ASB13: variants seen among roughly 807,000 people sequenced by gnomAD.
The protein encoded by ASB13 is ankyrin repeat and SOCS box protein 13.
In ASB13, 33 loss-of-function variants were observed where a neutral mutation model predicts 28.8. That is an observed-to-expected ratio of 1.15 (90% CI 0.87 to 1.53). The LOEUF (loss-of-function observed/expected upper bound fraction) is 1.53, where lower values mean the gene tolerates loss of function less well. Ranked by LOEUF, ASB13 falls within the 40% of genes most tolerant of loss-of-function variation. ASB13 has a pLI of 0.00. For synonymous variants in ASB13, 182 were observed against 172.9 expected (o/e 1.05, Z -0.41); for missense variants, 414 against 390.1 (o/e 1.06, Z -0.52).
Position 5,659,595 on chromosome 10 carries a change from C to T in ASB13, c.44-6545G>A, listed in dbSNP as rs977506693. Among the ~76,000 whole-genome samples the T allele has an allele frequency of 1.2e-3, 177 of 152,268 alleles. 3 individuals are homozygous for T. The highest frequency in any genetic ancestry group is 5.6e-4 in the Non-Finnish European group (38 of 68,010). ...TCAGCCCCATTCCCCACCTTGCTTC[C>T]GGCTGAAATTCCTCGACTGAGGGGA... On this transcript the variant is annotated intron_variant, in intron 1 of 5. Transcript: ENST00000357700. The surrounding 1 kb of genome is among the most constrained non-coding windows in gnomAD (Gnocchi z 5.8).
In ASB13 at chr10:5,653,050, C is replaced by T; in HGVS notation, c.44G>A (p.Gly15Asp). ...AADGCFLGDV[G>D]FWVERTPVHE... is the part of the protein sequence containing the mutation. ...CACAGGGGTCCGCTCCACCCAGAAA[C>T]CTGGAAAGGAAGGGGACCTCAGGCT... Residue 15 changes from glycine (G) to aspartate (D), a missense_variant and splice_region_variant, in exon 2 of 6, where the codon GGT becomes GAT. Gly to Asp is a moderately conservative substitution (Grantham distance 94). Coordinates refer to ENST00000357700, the MANE Select transcript of ASB13 (RefSeq NM_024701.4). 6.5e-7 allele frequency: 1 copy of T among 1,539,578 alleles called. No homozygotes were observed. The highest frequency in any genetic ancestry group is 8.8e-7 in the Non-Finnish European group (1 of 1,139,444).
chr10:5,643,202 G>A (rs2131441647), intron 4 of ASB13, among the ~76,000 whole-genome samples: 1 of 152,342 alleles, frequency 6.6e-6, no homozygotes, highest in East Asian at 1.9e-4. Context: ...ATTATCAAAA[G>A]TGGGATTTTA....
Position 5,644,346 on chromosome 10 carries a change from A to AC in ASB13, c.518-2386dup, listed in dbSNP as rs1401499201. On this transcript the variant is annotated intron_variant, in intron 4 of 5. Coordinates refer to ENST00000357700, the MANE Select transcript of ASB13 (RefSeq NM_024701.4). The surrounding 1 kb of genome is among the most constrained non-coding windows in gnomAD (Gnocchi z 5.1). ...CTAGCTCTACAAAAATTTAAAAATT[A>AC]CCCGGGGGGCGTGATGGCACACATC... Among the ~76,000 whole-genome samples, 1 of 152,094 alleles carries AC rather than the reference A, an allele frequency of 6.6e-6. No homozygotes were observed. Among genetic ancestry groups the AC allele is most frequent in the Non-Finnish European group, 1.5e-5 (1 of 68,022 alleles).
Position 5,639,311 on chromosome 10 carries a change from G to C in ASB13, c.*1392C>G, listed in dbSNP as rs1193561427. On this transcript the variant is annotated 3_prime_UTR_variant, in exon 6 of 6. Coordinates refer to ENST00000357700, the MANE Select transcript of ASB13 (RefSeq NM_024701.4). Reference sequence around the variant, plus strand: ...CGGTGGGAGGCTCGGGCCGGCCTGGGTGCATCCAGTGAGTACCACGTTCCC... The same window carrying C: ...CGGTGGGAGGCTCGGGCCGGCCTGGCTGCATCCAGTGAGTACCACGTTCCC... 6.5e-6 allele frequency: 1 copy of C among 152,914 alleles called. No homozygotes were observed. Among genetic ancestry groups the C allele is most frequent in the African/African-American group, 2.4e-5 (1 of 41,442 alleles). The allele number at this position is 152,914 out of a possible 1,614,324, so 9.5% of individuals were successfully genotyped here.
At position 5,642,011 on chromosome 10, in the gene ASB13, T is replaced by G; in HGVS notation, c.518-50A>C. The G allele has an allele frequency of 6.4e-7, 1 of 1,563,552 alleles. No homozygotes were observed. On this transcript the variant is annotated intron_variant, in intron 4 of 5. Transcript: ENST00000357700. This position sits in a 1 kb window ranked among gnomAD's most constrained non-coding sequence, Gnocchi z 4.1. ...ATTTCACCAAGAAGAGAACTTGAAG[T>G]CAGGGGGACAATCAGGTCCGTTTCG...
In ASB13 at chr10:5,652,866, G is replaced by T; in HGVS notation, c.228C>A (p.Ala76=). Residue 76 remains alanine, a synonymous_variant, in exon 2 of 6, where the codon GCC becomes GCA. Coordinates refer to ENST00000357700, the MANE Select transcript of ASB13 (RefSeq NM_024701.4). This position sits in a 1 kb window ranked among gnomAD's most constrained non-coding sequence, Gnocchi z 5.0. ...TCTGCCCTGAAGGGCCACTCACCTG[G>T]GCCCCAGCCGCCAGCAGCAGCTGCA... The part of the protein sequence containing the change: ...RCVQLLLAAG[A]QVDARNIDGS... The T allele has an allele frequency of 6.5e-7, 1 of 1,541,214 alleles. No individual in the cohort carries two copies. The highest frequency in any genetic ancestry group is 8.8e-7 in the Non-Finnish European group (1 of 1,141,946).
At position 5,640,313 on chromosome 10, in the gene ASB13, G is replaced by A. The variant is rs41290337; in HGVS notation, c.*390C>T. On this transcript the variant is annotated 3_prime_UTR_variant, in exon 6 of 6. Coordinates refer to ENST00000357700, the MANE Select transcript of ASB13 (RefSeq NM_024701.4). Reference sequence around the variant, plus strand: ...CTGTGCATCTGCGGCAGGCTGCCCCGGTGAGTGAGAATCAGCAACAATGCC... The same window carrying A: ...CTGTGCATCTGCGGCAGGCTGCCCCAGTGAGTGAGAATCAGCAACAATGCC... 0.013 allele frequency: 2,102 copies of A among 166,886 alleles called. 35 individuals carry two copies. Among genetic ancestry groups the A allele is most frequent in the East Asian group, 0.07 (399 of 5,682 alleles). The allele number at this position is 166,886 out of a possible 1,614,324, so 10.3% of individuals were successfully genotyped here. A position where few individuals can be genotyped will look rare whatever the true frequency, so the allele number is the denominator to read the frequency against.
Position 5,652,026 on chromosome 10 carries a change from C to CCACACACACACACA in ASB13, c.232-677_232-664dup, listed in dbSNP as rs5782851. 1.3e-3 allele frequency among the ~76,000 whole-genome samples: 79 copies of CCACACACACACACA among 59,130 alleles called. 1 individual carries two copies. The highest frequency in any genetic ancestry group is 4.8e-3 in the African/African-American group (67 of 13,944). 38.8% of individuals were successfully genotyped at this position (59,130 alleles called of 152,430 possible). A position where few individuals can be genotyped will look rare whatever the true frequency, so the allele number is the denominator to read the frequency against. On this transcript the variant is annotated intron_variant, in intron 2 of 5. Coordinates refer to ENST00000357700, the MANE Select transcript of ASB13 (RefSeq NM_024701.4). This position sits in a 1 kb window ranked among gnomAD's most constrained non-coding sequence, Gnocchi z 5.0. The stretch of plus-strand genomic sequence containing the variant: ...CAAAAAAAAAAAAAAAAAAAAAAAA[C>CCACACACACACACA]CACACACACACACACACACACACAC...
intron 1 of ASB13, among the ~76,000 whole-genome samples, chr10:5,657,714 T>C (rs1835094678): frequency 6.6e-6 from 1 of 152,194 alleles, no homozygotes; most frequent in Non-Finnish European, 1.5e-5. Context: ...GAGAGATTCA[T>C]TTGTACACCC....
chr10:5,651,013 G>A lies in ASB13; in HGVS notation c.382+200C>T, dbSNP rs544994344. 9.2e-5 allele frequency among the ~76,000 whole-genome samples: 14 copies of A among 152,274 alleles called. No homozygotes were observed. In the South Asian group the frequency reaches 2.5e-3, roughly 27 times the overall value. ...CCCTAGAGTCACCCACCCCAGCCCT[G>A]GACGAAGACCTCAAGAAGGGAAAGC... On this transcript the variant is annotated intron_variant, in intron 3 of 5. Transcript: ENST00000357700. The surrounding 1 kb of genome is among the most constrained non-coding windows in gnomAD (Gnocchi z 5.1).
rs938330804 is a variant in ASB13 at position 5,642,333 on chromosome 10, G to T, written c.518-372C>A. The T allele has an allele frequency of 5.4e-6, 2 of 372,928 alleles. No homozygotes were observed. The highest frequency in any genetic ancestry group is 8.6e-6 in the Non-Finnish European group (2 of 232,452). 23.1% of individuals were successfully genotyped at this position (372,928 alleles called of 1,614,324 possible). ...AAACCAGAGCCACTCAAGCACTCCC[G>T]CCTGGCCTCCAGCACAGACACACAC... On this transcript the variant is annotated intron_variant, in intron 4 of 5. Coordinates refer to ENST00000357700, the MANE Select transcript of ASB13 (RefSeq NM_024701.4). This position sits in a 1 kb window ranked among gnomAD's most constrained non-coding sequence, Gnocchi z 4.1.
chr10:5,639,290 G>T lies in ASB13; in HGVS notation c.*1413C>A, dbSNP rs1480407454. ...CACTCTGTTCCACACTGTCTGCGGTGGGAGGCTCGGGCCGGCCTGGGTGCA... is the reference window on the plus strand; with the variant it reads ...CACTCTGTTCCACACTGTCTGCGGTTGGAGGCTCGGGCCGGCCTGGGTGCA... On this transcript the variant is annotated 3_prime_UTR_variant, in exon 6 of 6. Transcript: ENST00000357700. 3.9e-5 allele frequency: 6 copies of T among 152,882 alleles called. No individual in the cohort carries two copies. Among genetic ancestry groups the T allele is most frequent in the African/African-American group, 1.4e-4 (6 of 41,444 alleles). 9.5% of individuals were successfully genotyped at this position (152,882 alleles called of 1,614,324 possible). A position where few individuals can be genotyped will look rare whatever the true frequency, so the allele number is the denominator to read the frequency against.
chr10:5,653,394 T>G (rs139557504), intron 1 of ASB13, among the ~76,000 whole-genome samples: 115 of 152,348 alleles, frequency 7.5e-4, no homozygotes, highest in African/African-American at 2.5e-3. Context: ...CCCCTGCCAA[T>G]TGTCCACTCT....
In ASB13 at chr10:5,639,137, C is replaced by T. The variant is rs1182558608; in HGVS notation, c.*1566G>A. 6.6e-6 allele frequency: 1 copy of T among 152,660 alleles called. No individual in the cohort carries two copies. The highest frequency in any genetic ancestry group is 1.9e-4 in the East Asian group (1 of 5,198). The allele number at this position is 152,660 out of a possible 1,614,324, so 9.5% of individuals were successfully genotyped here. ...ACCCGCCATGACAATGGCGGGAACG[C>T]TGGAGTAAAACCTCACGGCGGCCAG... On this transcript the variant is annotated 3_prime_UTR_variant, in exon 6 of 6. Coordinates refer to ENST00000357700, the MANE Select transcript of ASB13 (RefSeq NM_024701.4).
Position 5,644,259 on chromosome 10 carries a change from C to T in ASB13, c.518-2298G>A, listed in dbSNP as rs147488443. 7.5e-4 allele frequency among the ~76,000 whole-genome samples: 114 copies of T among 152,102 alleles called. No individual in the cohort carries two copies. Among genetic ancestry groups the T allele is most frequent in the African/African-American group, 2.6e-3 (108 of 41,468 alleles). ...CTGTAATCTCAGCACTTTGGGAATTCGAGGCGAGCGGATCTCTTGGGCCCA... is the reference window on the plus strand; with the variant it reads ...CTGTAATCTCAGCACTTTGGGAATTTGAGGCGAGCGGATCTCTTGGGCCCA... On this transcript the variant is annotated intron_variant, in intron 4 of 5. Transcript: ENST00000357700. The surrounding 1 kb of genome is among the most constrained non-coding windows in gnomAD (Gnocchi z 5.1).
chr10:5,658,724 A>ACTACT lies in ASB13; in HGVS notation c.44-5675_44-5674insAGTAG, dbSNP rs1835110492. Among the ~76,000 whole-genome samples the ACTACT allele has an allele frequency of 6.6e-6, 1 of 152,086 alleles. No individual in the cohort carries two copies. The highest frequency in any genetic ancestry group is 6.5e-5 in the Admixed American group (1 of 15,290). On this transcript the variant is annotated intron_variant, in intron 1 of 5. Transcript: ENST00000357700. This position sits in a 1 kb window ranked among gnomAD's most constrained non-coding sequence, Gnocchi z 4.2. ...TTTTGTGTTCTGTGCTCTCTACTACAATTAAAAATAGAAAAAAAAAATTTT... is the reference window on the plus strand; with the variant it reads ...TTTTGTGTTCTGTGCTCTCTACTACACTACTATTAAAAATAGAAAAAAAAAATTTT...
Position 5,640,825 on chromosome 10 carries a change from G to C in ASB13, c.715C>G (p.Pro239Ala), listed in dbSNP as rs1196045497. The C allele has an allele frequency of 1.2e-6, 2 of 1,613,882 alleles. No individual in the cohort carries two copies. Among genetic ancestry groups the C allele is most frequent in the Non-Finnish European group, 1.7e-6 (2 of 1,179,934 alleles). ...AKCFEYYEKT[P>A]LTLSQLCRVN... ...CTGCAGAGCTGTGACAGAGTCAGAGGTGTCTCTGAAAAAGGGAGCAAGGAA... is the reference window on the plus strand; with the variant it reads ...CTGCAGAGCTGTGACAGAGTCAGAGCTGTCTCTGAAAAAGGGAGCAAGGAA... Residue 239 changes from proline to alanine, a missense_variant, in exon 6 of 6, where the codon CCT becomes GCT. Physicochemically the swap from Pro to Ala is conservative, Grantham distance 27. Coordinates refer to ENST00000357700, the MANE Select transcript of ASB13 (RefSeq NM_024701.4).
rs1835229532 is a variant in ASB13, at chr10:5,664,715, C to G, written c.43+1794G>C. On this transcript the variant is annotated intron_variant, in intron 1 of 5. Transcript: ENST00000357700. This position sits in a 1 kb window ranked among gnomAD's most constrained non-coding sequence, Gnocchi z 4.2. ...TTTATTTTTGAGACGGAGTCTCACT[C>G]TGTCGCCCAGGCTGGAGTGCAATGG... Among the ~76,000 whole-genome samples, 1 of 152,182 alleles carries G rather than the reference C, an allele frequency of 6.6e-6. No individual in the cohort carries two copies. Among genetic ancestry groups the G allele is most frequent in the South Asian group, 2.1e-4 (1 of 4,820 alleles).
rs1383559072 is a variant in ASB13, at chr10:5,661,700, T to C, written c.43+4809A>G. Reference sequence around the variant, plus strand: ...TTTCTGTAGAGACAGGGTTTCACCATGTTGCCCAGGCTGGTCTCAAACTCC... The same window carrying C: ...TTTCTGTAGAGACAGGGTTTCACCACGTTGCCCAGGCTGGTCTCAAACTCC... On this transcript the variant is annotated intron_variant, in intron 1 of 5. Transcript: ENST00000357700. This position sits in a 1 kb window ranked among gnomAD's most constrained non-coding sequence, Gnocchi z 4.9. 2.0e-5 allele frequency among the ~76,000 whole-genome samples: 3 copies of C among 152,094 alleles called. No individual in the cohort carries two copies. Among genetic ancestry groups the C allele is most frequent in the East Asian group, 1.9e-4 (1 of 5,178 alleles).
Sources: gnomAD v4.1 joint callset for allele counts (sites outside exome capture counted in the v4.1 genomes callset) on GRCh38, gnomAD v4.1.1 for gene constraint, Gnocchi (gnomAD v3.1) non-coding constraint, MANE v1.5 for transcripts, NCBI Gene and HGNC (gene_info 2026-07-23, HGNC 2026-07-21) for gene names.